The following SLC30A7 variants were observed in gnomAD, a reference collection of about 807,000 sequenced individuals.
SLC30A7 encodes the protein zinc transporter 7.
SLC30A7 carries 35 observed loss-of-function variants against 46.0 expected under a neutral mutation model. That is an observed-to-expected ratio of 0.76 (90% confidence interval 0.58 to 1.01). The LOEUF is 1.01. Ranked by LOEUF, SLC30A7 falls within the 50% of genes least tolerant of loss-of-function variation. The pLI is 0.00. For missense variants in SLC30A7, 464 were observed against 451.1 expected (o/e 1.03, Z -0.26); for synonymous variants, 147 against 157.8 (o/e 0.93, Z 0.51).
At chr1:100,919,050 A>G (rs1652774428) in intron 7 of SLC30A7, among the ~76,000 whole-genome samples, 1 of 152,194 alleles carries the variant, frequency 6.6e-6, no homozygotes, top group Non-Finnish European at 1.5e-5. Context: ...TTCCAAGAAT[A>G]ATATTTAATA....
intron 2 of SLC30A7, among the ~76,000 whole-genome samples, chr1:100,900,179 C>T (rs977789051): frequency 2.6e-5 from 4 of 152,148 alleles, no homozygotes; most frequent in East Asian, 1.9e-4. Context: ...AATATAGTTT[C>T]TGTGTTTTTA....
At chr1:100,896,432 A>C in intron 1 of SLC30A7, 90 bp downstream of exon 1, 1 of 1,474,158 alleles carries the variant, frequency 6.8e-7, no homozygotes, top group African/African-American at 1.4e-5. Context: ...AGTGAGGGAG[A>C]GTCAAAAACT....
At position 100,974,881 on chromosome 1, in the gene SLC30A7, T is replaced by C. The variant is rs1302643641; in HGVS notation, c.*24T>C. ...AGTGAATGGAAAGAAATTATGCACCTTTTATGGACCAAATTTTTCTGGTAC... is the reference window on the plus strand; with the variant it reads ...AGTGAATGGAAAGAAATTATGCACCCTTTATGGACCAAATTTTTCTGGTAC... On this transcript the variant is annotated 3_prime_UTR_variant, in exon 11 of 11. Coordinates refer to ENST00000357650, the MANE Select transcript of SLC30A7 (RefSeq NM_133496.5). 1 of 1,593,238 alleles carries C rather than the reference T, an allele frequency of 6.3e-7. No homozygotes were observed. Among genetic ancestry groups the C allele is most frequent in the African/African-American group, 1.3e-5 (1 of 74,668 alleles).
At chr1:100,952,934 A>G (rs1655033271) in intron 8 of SLC30A7, among the ~76,000 whole-genome samples, 1 of 152,206 alleles carries the variant, frequency 6.6e-6, no homozygotes, top group South Asian at 2.1e-4. Flanking sequence ...TACTAGTGAT[A>G]TGGTTTGGAT....
At chr1:100,990,738 C>G in the SLC30A7 span, 1 of 1,051,508 alleles carries the variant, frequency 9.5e-7, no homozygotes, top group African/African-American at 1.6e-5. Flanking sequence ...CCCCAAATAT[C>G]TTAAATCTCT....
intron 3 of SLC30A7, among the ~76,000 whole-genome samples, chr1:100,909,043 ATGTGTG>A (rs72292631): frequency 0.013 from 1,990 of 148,248 alleles, 46 homozygotes; most frequent in African/African-American, 0.047. Flanking sequence ...TCCTCTCTTT[ATGTGTG>A]TGTGTGTGTG....
chr1:100,916,236 G>A (rs1652536498), intron 6 of SLC30A7, among the ~76,000 whole-genome samples: 1 of 151,742 alleles, frequency 6.6e-6, no homozygotes, highest in South Asian at 2.1e-4. Context: ...ACCCAGGCTG[G>A]AGTTCAGTGG....
At chr1:100,951,157 G>A (rs1459714681) in intron 8 of SLC30A7, among the ~76,000 whole-genome samples, 1 of 152,136 alleles carries the variant, frequency 6.6e-6, no homozygotes, top group East Asian at 1.9e-4. Context: ...GCAAGCTTTG[G>A]GGTTAGAGAA....
At chr1:100,962,160 A>T (rs778522464) in intron 9 of SLC30A7, among the ~76,000 whole-genome samples, 1 of 152,200 alleles carries the variant, frequency 6.6e-6, no homozygotes, top group Non-Finnish European at 1.5e-5. Context: ...AAAAATATAG[A>T]ATATCTATAG....
At position 100,978,020 on chromosome 1, in the gene SLC30A7, C is replaced by T. The variant is rs1376756517; in HGVS notation, c.*3163C>T. ...CCTCCTGCCTCGGCCTCCCAAAGTG[C>T]TGAGACTACAGGTGTGAGCCACCGT... is the stretch of plus-strand genomic sequence containing the variant. On this transcript the variant is annotated 3_prime_UTR_variant, in exon 11 of 11. Transcript: ENST00000357650. 1 of 152,316 alleles carries T rather than the reference C, an allele frequency of 6.6e-6. No individual in the cohort carries two copies. Among genetic ancestry groups the T allele is most frequent in the Non-Finnish European group, 1.5e-5 (1 of 68,148 alleles). 9.4% of individuals were successfully genotyped at this position (152,316 alleles called of 1,614,324 possible). A position where few individuals can be genotyped will look rare whatever the true frequency, so the allele number is the denominator to read the frequency against.
the SLC30A7 span, chr1:100,992,560 T>G: frequency 1.2e-3 from 1,227 of 982,820 alleles, no homozygotes; most frequent in Non-Finnish European, 1.7e-3. Context: ...CATAGTGGTA[T>G]GAGATATTAA....
At chr1:100,899,590 C>A (rs983788351) in intron 2 of SLC30A7, among the ~76,000 whole-genome samples, 4 of 152,104 alleles carry the variant, frequency 2.6e-5, no homozygotes, top group African/African-American at 4.8e-5. Context: ...GGCTGAGACA[C>A]CAGCATCCCT....
At chr1:100,930,504 T>C (rs888554546) in intron 8 of SLC30A7, among the ~76,000 whole-genome samples, 18 of 152,096 alleles carry the variant, frequency 1.2e-4, no homozygotes, top group African/African-American at 4.3e-4. Context: ...CTGATTTTGA[T>C]AAATCTTGTT....
intron 8 of SLC30A7, among the ~76,000 whole-genome samples, chr1:100,948,987 T>C (rs2101067658): frequency 6.6e-6 from 1 of 152,336 alleles, no homozygotes; most frequent in East Asian, 1.9e-4. Flanking sequence ...CATGCTCCTT[T>C]AGCTTGGAGA....
chr1:100,990,559 G>A, the SLC30A7 span: 2 of 1,614,118 alleles, frequency 1.2e-6, no homozygotes. Flanking sequence ...TTGCCTTAAA[G>A]TGCCTGCTGC....
Position 100,961,778 on chromosome 1 carries a change from G to A in SLC30A7, c.843-50G>A, listed in dbSNP as rs1395324773. The A allele has an allele frequency of 2.8e-6, 3 of 1,090,344 alleles. No individual in the cohort carries two copies. The Admixed American group carries it at 6.2e-5, about 22-fold the overall frequency. The allele number at this position is 1,090,344 out of a possible 1,614,324, so 67.5% of individuals were successfully genotyped here. ...GCATATTATTACTTTCTTGCTGGAT[G>A]GGATTAGCAGAATGTGACTTTAATA... On this transcript the variant is annotated intron_variant, in intron 8 of 10. Transcript: ENST00000357650.
chr1:100,988,907 T>C, the SLC30A7 span, among the ~76,000 whole-genome samples: 1 of 151,934 alleles, frequency 6.6e-6, no homozygotes, highest in African/African-American at 2.4e-5. Flanking sequence ...GTTTCATATA[T>C]ATATAAATAT....
intron 2 of SLC30A7, among the ~76,000 whole-genome samples, chr1:100,902,244 A>G (rs943754293): frequency 1.3e-5 from 2 of 152,190 alleles, no homozygotes; most frequent in Admixed American, 6.5e-5. Context: ...AGGTAGTCAC[A>G]TTTTATTAAG....
chr1:100,915,198 T>C (rs1271057273), intron 6 of SLC30A7, among the ~76,000 whole-genome samples: 3 of 61,718 alleles, frequency 4.9e-5, no homozygotes, highest in African/African-American at 1.1e-4. Flanking sequence ...CTTTCTTTTC[T>C]TTCTTTCTTT....
Sources: gnomAD v4.1 joint callset for allele counts (sites outside exome capture counted in the v4.1 genomes callset) on GRCh38, gnomAD v4.1.1 for gene constraint, MANE v1.5 for transcripts, NCBI Gene and HGNC (gene_info 2026-07-23, HGNC 2026-07-21) for gene names.